HLCS: variants seen among roughly 807,000 people sequenced by gnomAD.
HLCS encodes the protein holocarboxylase synthetase.
A neutral mutation model predicts 75.0 loss-of-function variants in HLCS; 53 were observed. The observed-to-expected ratio is 0.71, with a 90% CI of 0.57 to 0.89. The LOEUF (loss-of-function observed/expected upper bound fraction) is 0.89, where lower values mean the gene tolerates loss of function less well. Ranked by LOEUF, HLCS falls within the 40% of genes least tolerant of loss-of-function variation. HLCS has a pLI of 0.00. For missense variants in HLCS, 966 were observed against 1,074.0 expected (o/e 0.90, Z 1.41); for synonymous variants, 431 against 428.6 (o/e 1.01, Z -0.07).
In HLCS at chr21:36,976,423, GAA is replaced by G. The variant is rs1374692816; in HGVS notation, c.-393+13733_-393+13734del. Among the ~76,000 whole-genome samples the G allele has an allele frequency of 6.0e-4, 54 of 90,290 alleles. No individual in the cohort carries two copies. In the Middle Eastern group the frequency reaches 0.022, roughly 38 times the overall value. The allele number at this position is 90,290 out of a possible 152,430, so 59.2% of individuals were successfully genotyped here. ...ACACACACACACGCATACACACACA[GAA>G]AAATACAAGTTAGCTGGGCGTGGTG... On this transcript the variant is annotated intron_variant, in intron 1 of 11. Coordinates refer to the HLCS transcript ENST00000336648.
Position 36,966,593 on chromosome 21 carries a change from G to A in HLCS, c.46C>T (p.Arg16Cys). The change falls in exon 1 of 11, where the codon CGC becomes TGC. Residue 16 changes from arginine (R) to cysteine (C), a missense_variant. Transcript: ENST00000674895. ...GCGCGCACGAGCTCAGCCGGCCGGCGACCCCAGCGCGCCCACAGGTACAGG... is the reference window on the plus strand; with the variant it reads ...GCGCGCACGAGCTCAGCCGGCCGGCAACCCCAGCGCGCCCACAGGTACAGG... ...CYLYLWARWGRRPAELVRATV... is the reference protein window; with the variant it reads ...CYLYLWARWGCRPAELVRATV... 1.0e-6 allele frequency: 1 copy of A among 993,934 alleles called. No homozygotes were observed. The highest frequency in any genetic ancestry group is 1.2e-6 in the Non-Finnish European group (1 of 837,390). 61.6% of individuals were successfully genotyped at this position (993,934 alleles called of 1,614,324 possible). A position where few individuals can be genotyped will look rare whatever the true frequency, so the allele number is the denominator to read the frequency against.
At chr21:36,982,656 T>C (rs752760451) in intron 1 of HLCS, among the ~76,000 whole-genome samples, 4 of 152,212 alleles carry the variant, frequency 2.6e-5, no homozygotes, top group Admixed American at 6.5e-5. Context: ...AGATCCCCTA[T>C]TGTCCACGTC....
At chr21:36,879,119 T>TC (rs2064101443) in intron 6 of HLCS, among the ~76,000 whole-genome samples, 2 of 166 alleles carry the variant, frequency 0.012, no homozygotes, top group Admixed American at 0.2. Context: ...ATGATATCTC[T>TC]TGAACAAAAA....
chr21:36,756,231 G>A (rs942356922), intron 10 of HLCS, among the ~76,000 whole-genome samples: 3 of 151,578 alleles, frequency 2.0e-5, no homozygotes, highest in Non-Finnish European at 4.4e-5. Flanking sequence ...AAGGTCAGGA[G>A]ATCGAGACCA....
At chr21:36,979,075 CT>C (rs1217006766) in intron 1 of HLCS, among the ~76,000 whole-genome samples, 1 of 152,032 alleles carries the variant, frequency 6.6e-6, no homozygotes, top group East Asian at 1.9e-4. Context: ...TGAGACCATC[CT>C]GGCTAACACA....
rs1021427313 is a variant in HLCS at position 36,767,246 on chromosome 21, C to T, written c.1932G>A (p.Val644=). ...FQTPQEMGLI[V]IAARQTEGKG... The stretch of plus-strand genomic sequence containing the variant: ...TGCCCTCGGTCTGCCGGGCCGCGAT[C>T]ACTATTAAGCCCATTTCCTGCGGTG... Residue 644 remains valine, a synonymous_variant, in exon 7 of 11, where the codon GTG becomes GTA. Transcript: ENST00000674895. 6.2e-7 allele frequency: 1 copy of T among 1,614,220 alleles called. No homozygotes were observed. The highest frequency in any genetic ancestry group is 1.3e-5 in the African/African-American group (1 of 75,054).
chr21:36,954,388 G>A (rs2067820617), intron 2 of HLCS, among the ~76,000 whole-genome samples: 1 of 152,008 alleles, frequency 6.6e-6, no homozygotes, highest in Non-Finnish European at 1.5e-5. Context: ...GCTGAGGCAG[G>A]CAGATCACGA....
rs756409633 is a variant in HLCS, at chr21:36,897,065, C to T, written c.1687G>A (p.Gly563Ser). The T allele has an allele frequency of 1.8e-5, 29 of 1,614,016 alleles. No homozygotes were observed. Among genetic ancestry groups the T allele is most frequent in the Non-Finnish European group, 2.2e-5 (26 of 1,179,958 alleles). Residue 563 changes from glycine (G) to serine (S), a missense_variant, in exon 6 of 11, where the codon GGC (glycine) becomes AGC (serine). Gly to Ser is a moderately conservative substitution (Grantham distance 56). Transcript: ENST00000674895. ...HVDSEGEIKS[G>S]QLSLRFVSSY... is the part of the protein sequence containing the mutation. The stretch of plus-strand genomic sequence containing the variant: ...GAAACAAATCTAAGAGAGAGCTGGC[C>T]GGATTTTATTTCTCCCTCGGAGTCC...
intron 5 of HLCS, among the ~76,000 whole-genome samples, chr21:36,903,885 T>C (rs2065340912): frequency 2.6e-5 from 4 of 152,146 alleles, no homozygotes; most frequent in African/African-American, 9.7e-5. Flanking sequence ...GAAATTGAGA[T>C]TGAATGGGGT....
At chr21:36,980,196 T>A (rs1269680871) in intron 1 of HLCS, among the ~76,000 whole-genome samples, 60 of 139,748 alleles carry the variant, frequency 4.3e-4, no homozygotes, top group Non-Finnish European at 4.5e-4. Flanking sequence ...TGACTATATT[T>A]AAAAAAAAAA....
At chr21:36,770,883 C>T (rs2060183670) in intron 6 of HLCS, among the ~76,000 whole-genome samples, 1 of 152,060 alleles carries the variant, frequency 6.6e-6, no homozygotes, top group South Asian at 2.1e-4. Flanking sequence ...TTCATAAATA[C>T]AGAACTTCTA....
chr21:36,937,407 G>T lies in HLCS; in HGVS notation c.494-15C>A. ...CAAGTGCACCGCTAAGGCATGAATAGGAGAGAGAGACAGAAAATTAATCAA... is the reference window on the plus strand; with the variant it reads ...CAAGTGCACCGCTAAGGCATGAATATGAGAGAGAGACAGAAAATTAATCAA... On this transcript the variant is annotated splice_polypyrimidine_tract_variant and intron_variant, in intron 3 of 10. Coordinates refer to ENST00000674895, the MANE Select transcript of HLCS (RefSeq NM_001352514.2). 6.2e-7 allele frequency: 1 copy of T among 1,600,844 alleles called. No individual in the cohort carries two copies.
At chr21:36,766,944 GGAATTCAT>G (rs1361719655) in intron 7 of HLCS, among the ~76,000 whole-genome samples, 2 of 152,134 alleles carry the variant, frequency 1.3e-5, no homozygotes, top group Non-Finnish European at 2.9e-5. Context: ...TGGAAAGCCC[GGAATTCAT>G]GTAGGTCACA....
rs1390354914 is a variant in HLCS, at chr21:36,849,857, C to T, written c.1892+47003G>A. ...GACTGGACAAACTCTTATTAGCTTC[C>T]GGCAGATATTAAAAGATGCATGAGC... On this transcript the variant is annotated intron_variant, in intron 6 of 10. Transcript: ENST00000674895. Among the ~76,000 whole-genome samples the T allele has an allele frequency of 9.2e-5, 14 of 152,150 alleles. No individual in the cohort carries two copies. The East Asian group carries it at 1.9e-3, about 21-fold the overall frequency.
intron 5 of HLCS, among the ~76,000 whole-genome samples, chr21:36,914,251 A>G (rs991848378): frequency 7.2e-5 from 11 of 152,174 alleles, no homozygotes; most frequent in Non-Finnish European, 1.2e-4. Context: ...AGCCCTGCAC[A>G]ACTCTGACTT....
chr21:36,764,537 C>T (rs2089966147), intron 8 of HLCS, among the ~76,000 whole-genome samples: 1 of 151,942 alleles, frequency 6.6e-6, no homozygotes, highest in African/African-American at 2.4e-5. Context: ...AACCCCATCT[C>T]TACTAAAAAT....
At chr21:36,861,546 C>G (rs550483867) in intron 6 of HLCS, among the ~76,000 whole-genome samples, 1 of 152,154 alleles carries the variant, frequency 6.6e-6, no homozygotes, top group South Asian at 2.1e-4. Context: ...CCTCCTTTCA[C>G]CCTCTACCCT....
chr21:36,875,825 AG>A (rs944428693), intron 6 of HLCS, among the ~76,000 whole-genome samples: 12 of 152,056 alleles, frequency 7.9e-5, no homozygotes, highest in African/African-American at 2.9e-4. Flanking sequence ...GCCATGTTGC[AG>A]GTGATGAGGA....
chr21:36,800,875 C>T (rs1317790026), intron 6 of HLCS, among the ~76,000 whole-genome samples: 2 of 151,926 alleles, frequency 1.3e-5, no homozygotes, highest in East Asian at 3.9e-4. Flanking sequence ...GTGTTGGCTG[C>T]CATTTCTAAG....
Sources: allele counts gnomAD v4.1 joint callset (sites outside exome capture counted in the v4.1 genomes callset), GRCh38; gene constraint gnomAD v4.1.1; transcripts MANE v1.5; gene names NCBI Gene and HGNC (gene_info 2026-07-23, HGNC 2026-07-21).